The following CFAP299 variants were observed in gnomAD, a reference collection of about 807,000 sequenced individuals.
CFAP299 encodes the protein cilia and flagella associated protein 299.
CFAP299 carries 21 observed loss-of-function variants against 27.0 expected under a neutral mutation model. The observed-to-expected ratio is 0.78, with a 90% CI of 0.55 to 1.12. The LOEUF (loss-of-function observed/expected upper bound fraction) is 1.12, where lower values mean the gene tolerates loss of function less well. Among genes scored for constraint, CFAP299 ranks in the 50% most tolerant of loss-of-function variants. CFAP299 has a pLI of 0.00. For synonymous variants in CFAP299, 104 were observed against 98.1 expected (o/e 1.06, Z -0.36); for missense variants, 310 against 276.6 (o/e 1.12, Z -0.86).
chr4:80,447,808 C>T lies in CFAP299; in HGVS notation c.242+84924C>T, dbSNP rs143398057. Among the ~76,000 whole-genome samples, 126 of 152,220 alleles carry T rather than the reference C, an allele frequency of 8.3e-4. 1 individual carries two copies. In the East Asian group the frequency reaches 0.024, roughly 28 times the overall value. ...GCTTTAAATTTTGACATAATCCTCCCACCCCATCCCCATCCCCGCTTTTCT... is the reference window on the plus strand; with the variant it reads ...GCTTTAAATTTTGACATAATCCTCCTACCCCATCCCCATCCCCGCTTTTCT... On this transcript the variant is annotated intron_variant, in intron 2 of 5. Coordinates refer to ENST00000358105, the MANE Select transcript of CFAP299 (RefSeq NM_152770.3).
intron 4 of CFAP299, among the ~76,000 whole-genome samples, chr4:80,926,260 G>T (rs773365731): frequency 3.9e-5 from 6 of 152,036 alleles, no homozygotes; most frequent in Non-Finnish European, 7.4e-5. Context: ...TGGCTTCCAG[G>T]TTTGGAGGAG....
At chr4:80,848,192 T>C (rs1040475284) in intron 3 of CFAP299, among the ~76,000 whole-genome samples, 16 of 150,988 alleles carry the variant, frequency 1.1e-4, no homozygotes, top group African/African-American at 3.4e-4. Context: ...GTCTGGGCAA[T>C]AGAGTGAGAC....
chr4:80,619,145 C>T (rs1486023), intron 3 of CFAP299, among the ~76,000 whole-genome samples: 17,248 of 152,118 alleles, frequency 0.11, 1,118 homozygotes, highest in Middle Eastern at 0.21. Context: ...AATTACTTCT[C>T]ACAGCATTAA....
At chr4:80,497,214 G>C (rs1731494489) in intron 2 of CFAP299, among the ~76,000 whole-genome samples, 2 of 152,098 alleles carry the variant, frequency 1.3e-5, no homozygotes, top group Non-Finnish European at 2.9e-5. Flanking sequence ...AGGCTGCAGT[G>C]AGCTATGATC....
rs181915433 is a variant in CFAP299, at chr4:80,402,003, G to T, written c.242+39119G>T. On this transcript the variant is annotated intron_variant, in intron 2 of 5. Transcript: ENST00000358105. ...GCCCCACTGGATTTTGGATTTGCAC[G>T]GGCCCTGTAACCCCTTTGTTTTGGC... Among the ~76,000 whole-genome samples, 7 of 152,186 alleles carry T rather than the reference G, an allele frequency of 4.6e-5. No homozygotes were observed. In the East Asian group the frequency reaches 9.7e-4, roughly 21 times the overall value.
Position 80,341,709 on chromosome 4 carries a change from G to A in CFAP299, c.111+5830G>A, listed in dbSNP as rs113513598. Among the ~76,000 whole-genome samples, 50 of 152,338 alleles carry A rather than the reference G, an allele frequency of 3.3e-4. 2 individuals carry two copies. The South Asian group carries it at 8.5e-3, about 26-fold the overall frequency. On this transcript the variant is annotated intron_variant, in intron 1 of 5. Coordinates refer to ENST00000358105, the MANE Select transcript of CFAP299 (RefSeq NM_152770.3). Reference sequence around the variant, plus strand: ...ATTAAAGTTAGATAAGCCACAAAATGTGAGAAACAGTCATTGCAAAAATGC... The same window carrying A: ...ATTAAAGTTAGATAAGCCACAAAATATGAGAAACAGTCATTGCAAAAATGC...
At chr4:80,609,958 G>A (rs1010107308) in intron 3 of CFAP299, among the ~76,000 whole-genome samples, 1 of 151,934 alleles carries the variant, frequency 6.6e-6, no homozygotes, top group African/African-American at 2.4e-5. Context: ...ACTTTAATAG[G>A]CCTATCCTTA....
At chr4:80,418,741 C>A (rs1253220735) in intron 2 of CFAP299, among the ~76,000 whole-genome samples, 1 of 152,108 alleles carries the variant, frequency 6.6e-6, no homozygotes, top group Admixed American at 6.6e-5. Context: ...AGAAAGCATG[C>A]AGTATTTGTC....
At chr4:80,953,939 A>G (rs1283066712) in intron 5 of CFAP299, among the ~76,000 whole-genome samples, 1 of 152,192 alleles carries the variant, frequency 6.6e-6, no homozygotes, top group East Asian at 1.9e-4. Flanking sequence ...ACCTAATCAA[A>G]CATGATGCCA....
chr4:80,504,462 C>CATACATATATATAT (rs1731898653), intron 2 of CFAP299, among the ~76,000 whole-genome samples: 1 of 37,760 alleles, frequency 2.6e-5, no homozygotes, highest in Non-Finnish European at 5.0e-5. Context: ...TAAAATCTCA[C>CATACATATATATAT]ATATATATAT....
intron 3 of CFAP299, among the ~76,000 whole-genome samples, chr4:80,739,861 T>C (rs1244533338): frequency 6.6e-6 from 1 of 152,176 alleles, no homozygotes; most frequent in Non-Finnish European, 1.5e-5. Context: ...TTTTTTATTC[T>C]TTTTTCTTTT....
In CFAP299 at chr4:80,417,365, TG is replaced by T. The variant is rs1319482045; in HGVS notation, c.242+54483del. Among the ~76,000 whole-genome samples, 10 of 152,272 alleles carry T rather than the reference TG, an allele frequency of 6.6e-5. No homozygotes were observed. The East Asian group carries it at 1.9e-3, about 29-fold the overall frequency. ...TTTGCTAACCTCCTATCTCATTGTG[TG>T]GCTTAGAATGCCTAAGCTCCTGGGA... On this transcript the variant is annotated intron_variant, in intron 2 of 5. Transcript: ENST00000358105.
chr4:80,746,725 A>G (rs1431879302), intron 3 of CFAP299, among the ~76,000 whole-genome samples: 1 of 152,038 alleles, frequency 6.6e-6, no homozygotes, highest in Non-Finnish European at 1.5e-5. Context: ...ATACTCTCAT[A>G]CTGGAGCAGA....
chr4:80,636,238 C>T (rs1399516131), intron 3 of CFAP299, among the ~76,000 whole-genome samples: 1 of 152,138 alleles, frequency 6.6e-6, no homozygotes, highest in Non-Finnish European at 1.5e-5. Flanking sequence ...CCTTAACTTT[C>T]AGGTGGCCTT....
In CFAP299 at chr4:80,352,423, C is replaced by T. The variant is rs137888013; in HGVS notation, c.112-10331C>T. Among the ~76,000 whole-genome samples, 508 of 152,098 alleles carry T rather than the reference C, an allele frequency of 3.3e-3. 7 individuals are homozygous for T. The highest frequency in any genetic ancestry group is 0.012 in the African/African-American group (482 of 41,488). On this transcript the variant is annotated intron_variant, in intron 1 of 5. Coordinates refer to ENST00000358105, the MANE Select transcript of CFAP299 (RefSeq NM_152770.3). ...TCTCTACTAAAATACAGAAATTATG[C>T]GGGGACAGTGGTGCACACCTGTAAT...
intron 2 of CFAP299, among the ~76,000 whole-genome samples, chr4:80,389,452 T>C (rs1390296236): frequency 2.6e-5 from 4 of 152,188 alleles, no homozygotes; most frequent in Non-Finnish European, 5.9e-5. Flanking sequence ...TAAGGCAATT[T>C]GCAGCTGTGG....
chr4:80,645,760 T>C (rs1457269746), intron 3 of CFAP299, among the ~76,000 whole-genome samples: 1 of 152,144 alleles, frequency 6.6e-6, no homozygotes, highest in Non-Finnish European at 1.5e-5. Flanking sequence ...TGGGAAGAGA[T>C]GTTTGGCCCC....
chr4:80,758,315 C>T (rs1356664658), intron 3 of CFAP299, among the ~76,000 whole-genome samples: 1 of 152,174 alleles, frequency 6.6e-6, no homozygotes, highest in African/African-American at 2.4e-5. Context: ...CCAGATGCCT[C>T]TCCAAAGCTA....
At chr4:80,848,387 G>T (rs1458710408) in intron 3 of CFAP299, among the ~76,000 whole-genome samples, 1 of 152,200 alleles carries the variant, frequency 6.6e-6, no homozygotes, top group East Asian at 1.9e-4. Context: ...GAGTTTACTC[G>T]CACAAACCTA....
Sources: gnomAD v4.1 joint callset for allele counts (sites outside exome capture counted in the v4.1 genomes callset) on GRCh38, gnomAD v4.1.1 for gene constraint, MANE v1.5 for transcripts, NCBI Gene and HGNC (gene_info 2026-07-23, HGNC 2026-07-21) for gene names.